Variants in FARP2 observed in about 807,000 individuals in gnomAD.
FARP2 encodes the protein FERM, ARH/RhoGEF and pleckstrin domain protein 2, also known as FERM, ARHGEF and pleckstrin domain-containing protein 2.
A neutral mutation model predicts 130.5 loss-of-function variants in FARP2; 111 were observed. The ratio of observed to expected loss-of-function variants is 0.85; its 90% confidence interval spans 0.73 to 1.00. The LOEUF (loss-of-function observed/expected upper bound fraction) is 1.00, where lower values mean the gene tolerates loss of function less well. FARP2 is among the 50% of genes least tolerant of loss of function. The pLI is 0.00. For missense variants in FARP2, 1,385 were observed against 1,346.3 expected, an observed-to-expected ratio of 1.03 and a Z score of -0.45; for synonymous variants, 504 against 516.9, an observed-to-expected ratio of 0.98 and a Z score of 0.34.
intron 1 of FARP2, among the ~76,000 whole-genome samples, chr2:241,357,224 G>A (rs375901845): frequency 3.4e-4 from 52 of 152,300 alleles, no homozygotes; most frequent in African/African-American, 1.2e-3. Flanking sequence ...TTTCTCTCTG[G>A]GTTTTTGTTT....
rs1574915791 is a variant in FARP2 at position 241,489,686 on chromosome 2, A to ATT, written c.2422-271_2422-270dup. The ATT allele has an allele frequency of 2.1e-5, 6 of 280,632 alleles. No homozygotes were observed. In the East Asian group the frequency reaches 3.7e-4, roughly 17 times the overall value. The allele number at this position is 280,632 out of a possible 1,614,324, so 17.4% of individuals were successfully genotyped here. Reference sequence around the variant, plus strand: ...CTTTTGGATAATCAAAATGCTCAACATTTTTTCCTTTGCTTGATTTTCAGC... The same window carrying ATT: ...CTTTTGGATAATCAAAATGCTCAACATTTTTTTTCCTTTGCTTGATTTTCAGC... On this transcript the variant is annotated intron_variant, in intron 21 of 26. Transcript: ENST00000264042.
intron 13 of FARP2, among the ~76,000 whole-genome samples, chr2:241,450,208 T>G (rs905148784): frequency 2.6e-5 from 4 of 151,126 alleles, no homozygotes; most frequent in Admixed American, 1.3e-4. Flanking sequence ...TACAAAAAAC[T>G]AAAACATAGC....
At position 241,493,364 on chromosome 2, in the gene FARP2, A is replaced by C. The variant is rs1484429834; in HGVS notation, c.2967A>C (p.Ile989=). 4.3e-6 allele frequency: 7 copies of C among 1,614,042 alleles called. No individual in the cohort carries two copies. The East Asian group carries it at 1.6e-4, about 36-fold the overall frequency. ...GCATCCCCAGGGAGGCCGATGGCAT[A>C]CACAAAGACTATGTTTTCAAGCTCC... ...SVSIPREADG[I]HKDYVFKLQF... is the part of the protein sequence containing the mutation. Residue 989 remains isoleucine, a synonymous_variant, in exon 26 of 27, where the codon ATA becomes ATC. Coordinates refer to ENST00000264042, the MANE Select transcript of FARP2 (RefSeq NM_014808.4).
At chr2:241,481,094 T>TG (rs2064604591) in intron 19 of FARP2, among the ~76,000 whole-genome samples, 2 of 147,166 alleles carry the variant, frequency 1.4e-5, no homozygotes, top group Non-Finnish European at 3.0e-5. Flanking sequence ...CCTGGCATGG[T>TG]GGCACACACC....
chr2:241,447,921 G>T (rs530582473), intron 13 of FARP2, among the ~76,000 whole-genome samples: 3 of 152,278 alleles, frequency 2.0e-5, no homozygotes, highest in Non-Finnish European at 4.4e-5. Flanking sequence ...GAAGGTGGTG[G>T]TGCCTCCCCG....
rs149705193 is a variant in FARP2 at position 241,493,366 on chromosome 2, A to G, written c.2969A>G (p.His990Arg). ...ATCCCCAGGGAGGCCGATGGCATACACAAAGACTATGTTTTCAAGCTCCAG... is the reference window on the plus strand; with the variant it reads ...ATCCCCAGGGAGGCCGATGGCATACGCAAAGACTATGTTTTCAAGCTCCAG... Reference protein sequence around the residue: ...VSIPREADGIHKDYVFKLQFK... With the variant: ...VSIPREADGIRKDYVFKLQFK... Residue 990 changes from histidine to arginine, a missense_variant, in exon 26 of 27, where the codon CAC becomes CGC. By Grantham distance (29) the His-to-Arg change is conservative. Transcript: ENST00000264042. 1.2e-6 allele frequency: 2 copies of G among 1,614,026 alleles called. No individual in the cohort carries two copies. Among genetic ancestry groups the G allele is most frequent in the East Asian group, 4.5e-5 (2 of 44,882 alleles).
At chr2:241,379,965 G>C (rs765468596) in intron 2 of FARP2, among the ~76,000 whole-genome samples, 1 of 152,160 alleles carries the variant, frequency 6.6e-6, no homozygotes, top group Non-Finnish European at 1.5e-5. Context: ...TTTATTCTTA[G>C]TTTTCCAGTG....
intron 21 of FARP2, among the ~76,000 whole-genome samples, chr2:241,486,485 A>C (rs1201850121): frequency 2.3e-5 from 3 of 131,956 alleles, no homozygotes; most frequent in African/African-American, 5.7e-5. Flanking sequence ...AAAAAAAAAA[A>C]AACACAGAGA....
intron 21 of FARP2, among the ~76,000 whole-genome samples, chr2:241,484,955 G>A (rs1009718998): frequency 2.6e-5 from 4 of 152,098 alleles, no homozygotes; most frequent in African/African-American, 9.7e-5. Flanking sequence ...TGTGCCATTC[G>A]TCCAGGACAC....
Position 241,441,551 on chromosome 2 carries a change from G to A in FARP2, c.1406G>A (p.Gly469Asp). The stretch of plus-strand genomic sequence containing the variant: ...CTCGGGCCCCCCGCACTCCAGCCTG[G>A]TCCAGGTGTCGGGTTTTGTCATGTC... ...QPLGPPALQP[G>D]PGLSTKSPQP... The change falls in exon 13 of 27, where the codon GGT becomes GAT. Residue 469 changes from glycine (G) to aspartate (D), a missense_variant. Coordinates refer to ENST00000264042, the MANE Select transcript of FARP2 (RefSeq NM_014808.4). 5.6e-6 allele frequency: 9 copies of A among 1,614,032 alleles called. No individual in the cohort carries two copies. Among genetic ancestry groups the A allele is most frequent in the Non-Finnish European group, 7.6e-6 (9 of 1,180,048 alleles).
At chr2:241,425,188 T>C (rs1326668247) in intron 8 of FARP2, among the ~76,000 whole-genome samples, 2 of 152,020 alleles carry the variant, frequency 1.3e-5, no homozygotes, top group African/African-American at 4.8e-5. Flanking sequence ...GTCTGGGCGA[T>C]GAAGTGCGAC....
intron 2 of FARP2, among the ~76,000 whole-genome samples, chr2:241,381,123 T>C (rs1156624101): frequency 6.6e-6 from 1 of 152,144 alleles, no homozygotes; most frequent in Non-Finnish European, 1.5e-5. Flanking sequence ...GCCAGTCTCT[T>C]TGTTCTCTGT....
chr2:241,363,320 A>T (rs2061231545), intron 1 of FARP2, among the ~76,000 whole-genome samples: 1 of 152,202 alleles, frequency 6.6e-6, no homozygotes, highest in Admixed American at 6.5e-5. Flanking sequence ...TAAAACTCTT[A>T]GGGAATGGGG....
At chr2:241,409,203 T>C (rs2062450534) in intron 5 of FARP2, among the ~76,000 whole-genome samples, 1 of 152,172 alleles carries the variant, frequency 6.6e-6, no homozygotes, top group Non-Finnish European at 1.5e-5. Context: ...TGGAGGATTC[T>C]TTTTTCTGTT....
intron 1 of FARP2, among the ~76,000 whole-genome samples, chr2:241,356,786 G>T (rs989301206): frequency 1.3e-5 from 2 of 152,242 alleles, no homozygotes; most frequent in African/African-American, 4.8e-5. Flanking sequence ...GTCCCATCCC[G>T]GAAGGACACC....
intron 13 of FARP2, chr2:241,442,234 G>C (rs1028240525): frequency 8.8e-6 from 4 of 456,562 alleles, no homozygotes; most frequent in African/African-American, 6.0e-5. Context: ...CAGTCAATCT[G>C]AGGCCAGCTC....
intron 2 of FARP2, among the ~76,000 whole-genome samples, 163 bp from the exon 3 acceptor site, chr2:241,403,665 A>G (rs2062253326): frequency 6.6e-6 from 1 of 152,122 alleles, no homozygotes; most frequent in African/African-American, 2.4e-5. Context: ...CTGAGCACAA[A>G]TGCTTCAGAC....
chr2:241,467,716 A>G (rs971211514), intron 17 of FARP2, among the ~76,000 whole-genome samples: 22 of 150,560 alleles, frequency 1.5e-4, no homozygotes, highest in Admixed American at 6.0e-4. Context: ...GCTTAGTTCC[A>G]CTCTTGAGAG....
At chr2:241,471,463 C>A (rs1199329332) in intron 18 of FARP2, 1 of 126,936 alleles carries the variant, frequency 7.9e-6, no homozygotes, top group African/African-American at 2.9e-5. Flanking sequence ...GGACCCTGTT[C>A]TGAGGGGGTT....
Sources: allele counts gnomAD v4.1 joint callset (sites outside exome capture counted in the v4.1 genomes callset), GRCh38; gene constraint gnomAD v4.1.1; transcripts MANE v1.5; gene names NCBI Gene and HGNC (gene_info 2026-07-23, HGNC 2026-07-21).